CNTN4: variants seen among roughly 807,000 people sequenced by gnomAD.
CNTN4 encodes contactin-4.
CNTN4 carries 77 observed loss-of-function variants against 122.5 expected under a neutral mutation model. The observed-to-expected ratio is 0.63, with a 90% CI of 0.52 to 0.76. CNTN4 has a LOEUF of 0.76. Ranked by LOEUF, CNTN4 falls within the 30% of genes least tolerant of loss-of-function variation. CNTN4 has a pLI of 0.00. For synonymous variants in CNTN4, 512 were observed against 447.0 expected (o/e 1.15, Z -1.83); for missense variants, 1,256 against 1,259.1 (o/e 1.00, Z 0.04).
intron 3 of CNTN4, among the ~76,000 whole-genome samples, chr3:2,466,295 A>G (rs1029801142): frequency 6.6e-6 from 1 of 152,248 alleles, no homozygotes; most frequent in Admixed American, 6.5e-5. Context: ...GCACGTTCTC[A>G]GCCCCTAAAC....
At chr3:2,911,807 C>G (rs2094303077) in intron 12 of CNTN4, among the ~76,000 whole-genome samples, 1 of 151,944 alleles carries the variant, frequency 6.6e-6, no homozygotes, top group South Asian at 2.1e-4. Context: ...ACTCAATTTA[C>G]TAGAGAGATT....
intron 14 of CNTN4, among the ~76,000 whole-genome samples, chr3:3,005,709 CTCT>C (rs1696543421): frequency 2.0e-5 from 3 of 146,728 alleles, no homozygotes; most frequent in Non-Finnish European, 4.5e-5. Context: ...GCTTTCTTTC[CTCT>C]TCTTATAAGG....
chr3:2,787,862 T>G (rs1307939253), intron 6 of CNTN4, among the ~76,000 whole-genome samples: 1 of 151,272 alleles, frequency 6.6e-6, no homozygotes, highest in African/African-American at 2.4e-5. Context: ...CGATCTTGGC[T>G]CACTGCAACC....
chr3:2,211,081 G>A (rs75797625), intron 2 of CNTN4, among the ~76,000 whole-genome samples: 24 of 152,308 alleles, frequency 1.6e-4, no homozygotes, highest in African/African-American at 5.5e-4. Context: ...AGCTGTACAG[G>A]TGGCATGGTA....
At chr3:2,370,165 G>A (rs566999993) in intron 3 of CNTN4, among the ~76,000 whole-genome samples, 61 of 152,188 alleles carry the variant, frequency 4.0e-4, no homozygotes, top group African/African-American at 1.4e-3. Flanking sequence ...ACAGCCTGAG[G>A]CCAGCAGAGA....
intron 2 of CNTN4, among the ~76,000 whole-genome samples, chr3:2,218,560 A>G (rs78529615): frequency 0.14 from 21,442 of 152,226 alleles, 1,877 homozygotes; most frequent in Non-Finnish European, 0.2. Context: ...AAGTTTTTTG[A>G]CACATAGCCA....
In CNTN4 at chr3:2,298,865, A is replaced by G. The variant is rs111516880; in HGVS notation, c.-144-40313A>G. Among the ~76,000 whole-genome samples the G allele has an allele frequency of 2.0e-3, 307 of 152,332 alleles. 3 individuals are homozygous for G. The highest frequency in any genetic ancestry group is 7.0e-3 in the African/African-American group (290 of 41,578). The stretch of plus-strand genomic sequence containing the variant: ...TTGTGAGGAGTAAATTAATGCATAT[A>G]TGGGAGAAGGCTTTGTAACATGTGA... On this transcript the variant is annotated intron_variant, in intron 2 of 24. Coordinates refer to ENST00000418658, the MANE Select transcript of CNTN4 (RefSeq NM_175607.3).
chr3:2,987,210 A>G (rs1694660972), intron 13 of CNTN4, among the ~76,000 whole-genome samples: 1 of 152,134 alleles, frequency 6.6e-6, no homozygotes, highest in African/African-American at 2.4e-5. Flanking sequence ...GAGTTCATCG[A>G]AGGGTAGAAA....
chr3:2,737,159 C>T (rs2089170871), intron 5 of CNTN4, among the ~76,000 whole-genome samples: 1 of 152,034 alleles, frequency 6.6e-6, no homozygotes, highest in Non-Finnish European at 1.5e-5. Context: ...TGGCTCACTA[C>T]AACCTCCCCC....
intron 3 of CNTN4, among the ~76,000 whole-genome samples, chr3:2,484,291 A>T (rs1230048681): frequency 6.6e-6 from 1 of 152,226 alleles, no homozygotes; most frequent in Non-Finnish European, 1.5e-5. Flanking sequence ...ATCTTGGAAC[A>T]CAGACAACCT....
At chr3:2,531,648 A>C (rs1055809102) in intron 3 of CNTN4, among the ~76,000 whole-genome samples, 1 of 152,112 alleles carries the variant, frequency 6.6e-6, no homozygotes, top group Non-Finnish European at 1.5e-5. Flanking sequence ...ATTAAACAGA[A>C]AGTAGTGACT....
chr3:2,577,097 G>A (rs973825346), intron 4 of CNTN4, among the ~76,000 whole-genome samples: 1 of 152,190 alleles, frequency 6.6e-6, no homozygotes, highest in African/African-American at 2.4e-5. Context: ...GCTGGATTGA[G>A]TCTCAGTTTC....
At chr3:2,272,810 CT>C (rs71944369) in intron 2 of CNTN4, among the ~76,000 whole-genome samples, 39,562 of 106,024 alleles carry the variant, frequency 0.37, 5,357 homozygotes, top group East Asian at 0.61. Context: ...ACTACAGAGC[CT>C]TTTTTTTTTT....
At chr3:2,808,176 G>A (rs966030761) in intron 6 of CNTN4, among the ~76,000 whole-genome samples, 1 of 152,048 alleles carries the variant, frequency 6.6e-6, no homozygotes, top group Admixed American at 6.6e-5. Context: ...TGTATGGCTC[G>A]TAGATTTGTA....
intron 3 of CNTN4, among the ~76,000 whole-genome samples, chr3:2,570,039 CGGGCTGGCAGGATGGGT>C (rs964228837): frequency 6.7e-6 from 1 of 149,256 alleles, no homozygotes; most frequent in African/African-American, 2.6e-5. Context: ...TCACACATGG[CGGGCTGGCAGGATGGGT>C]GGGAGAAGGG....
In CNTN4 at chr3:2,840,567, TG is replaced by T. The variant is rs1166030000; in HGVS notation, c.454+20989del. On this transcript the variant is annotated intron_variant, in intron 7 of 24. Coordinates refer to ENST00000418658, the MANE Select transcript of CNTN4 (RefSeq NM_175607.3). ...TACAAAAATTAGCCGGGCGCGGTGA[TG>T]GGCGCCTGTAGTCCCAGCTACTCGG... 2.5e-4 allele frequency among the ~76,000 whole-genome samples: 3 copies of T among 12,016 alleles called. 1 individual carries two copies. The highest frequency in any genetic ancestry group is 8.1e-4 in the Non-Finnish European group (2 of 2,462). 7.9% of individuals were successfully genotyped at this position (12,016 alleles called of 152,430 possible). A position where few individuals can be genotyped will look rare whatever the true frequency, so the allele number is the denominator to read the frequency against.
At chr3:2,276,041 C>T (rs1205615873) in intron 2 of CNTN4, among the ~76,000 whole-genome samples, 2 of 151,290 alleles carry the variant, frequency 1.3e-5, no homozygotes, top group Admixed American at 1.3e-4. Context: ...AAAAATATTG[C>T]TTTTTGTATG....
At chr3:2,204,388 A>G (rs1314001193) in intron 2 of CNTN4, among the ~76,000 whole-genome samples, 2 of 152,140 alleles carry the variant, frequency 1.3e-5, no homozygotes, top group East Asian at 3.9e-4. Context: ...AAAATAATAT[A>G]AGCTTCTCTT....
chr3:2,669,439 C>T (rs2084369328), intron 4 of CNTN4, among the ~76,000 whole-genome samples: 1 of 152,092 alleles, frequency 6.6e-6, no homozygotes, highest in South Asian at 2.1e-4. Flanking sequence ...GTGGTGATAT[C>T]CCCTTTGTCA....
Sources: allele counts gnomAD v4.1 joint callset (sites outside exome capture counted in the v4.1 genomes callset), GRCh38; gene constraint gnomAD v4.1.1; transcripts MANE v1.5; gene names NCBI Gene and HGNC (gene_info 2026-07-23, HGNC 2026-07-21).